Variants in RBFOX1 observed in about 807,000 individuals in gnomAD.
RBFOX1 encodes RNA binding fox-1 homolog 1.
In RBFOX1, 8 loss-of-function variants were observed where a neutral mutation model predicts 57.7. The ratio of observed to expected loss-of-function variants is 0.14; its 90% confidence interval spans 0.08 to 0.25. RBFOX1 has a LOEUF of 0.25. RBFOX1 is among the 10% of genes least tolerant of loss of function. The pLI is 1.00. For synonymous variants in RBFOX1, 326 were observed against 222.4 expected (o/e 1.47, Z -4.15); for missense variants, 611 against 548.5 (o/e 1.11, Z -1.14).
intron 3 of RBFOX1, among the ~76,000 whole-genome samples, chr16:6,981,429 TCTTA>T (rs1297914958): frequency 6.6e-6 from 1 of 152,196 alleles, no homozygotes; most frequent in Non-Finnish European, 1.5e-5. Flanking sequence ...ATCATCTTAT[TCTTA>T]CTTTTGGATG....
chr16:6,553,574 C>T (rs951731022), intron 2 of RBFOX1, among the ~76,000 whole-genome samples: 1 of 152,222 alleles, frequency 6.6e-6, no homozygotes, highest in Non-Finnish European at 1.5e-5. Context: ...TCACATCTTA[C>T]TCACCTTTGT....
intron 4 of RBFOX1, among the ~76,000 whole-genome samples, chr16:7,293,926 A>T (rs2141701474): frequency 6.6e-6 from 1 of 152,252 alleles, no homozygotes; most frequent in Non-Finnish European, 1.5e-5. Context: ...AGGTGGATTA[A>T]TTCAGAGCTG....
intron 4 of RBFOX1, among the ~76,000 whole-genome samples, chr16:7,381,941 C>T (rs1158784432): frequency 6.6e-6 from 1 of 152,174 alleles, no homozygotes; most frequent in East Asian, 1.9e-4. Flanking sequence ...TGTCTCTAGA[C>T]TTGGCTCACT....
intron 1 of RBFOX1, among the ~76,000 whole-genome samples, chr16:6,146,175 G>A (rs1458780708): frequency 6.6e-6 from 1 of 152,182 alleles, no homozygotes; most frequent in Non-Finnish European, 1.5e-5. Context: ...CATGGGTCTG[G>A]TGCTGTGGGA....
At chr16:5,478,273 C>T (rs759837962) in intron 2 of RBFOX1, among the ~76,000 whole-genome samples, 1 of 151,728 alleles carries the variant, frequency 6.6e-6, no homozygotes, top group Admixed American at 6.6e-5. Context: ...ATTGTCCGAT[C>T]CAAGCTGCCA....
intron 2 of RBFOX1, among the ~76,000 whole-genome samples, chr16:5,581,733 A>C (rs1209579782): frequency 1.3e-5 from 2 of 152,172 alleles, no homozygotes. Flanking sequence ...TCAAAAAGAA[A>C]CACTGTATAG....
intron 3 of RBFOX1, among the ~76,000 whole-genome samples, chr16:6,780,207 A>ATTTATATATTTTTATATATT (rs2080533616): frequency 4.7e-5 from 2 of 42,416 alleles, no homozygotes; most frequent in Admixed American, 4.7e-4. Flanking sequence ...ATTTTTATAT[A>ATTTATATATTTTTATATATT]TTTATATATA....
chr16:7,255,412 T>C (rs1281956227), intron 4 of RBFOX1, among the ~76,000 whole-genome samples: 4 of 152,234 alleles, frequency 2.6e-5, no homozygotes, highest in African/African-American at 9.6e-5. Flanking sequence ...AGGGGATTGG[T>C]TTAATAACAT....
At chr16:6,308,574 C>G (rs1400916633) in intron 1 of RBFOX1, among the ~76,000 whole-genome samples, 2 of 152,196 alleles carry the variant, frequency 1.3e-5, no homozygotes, top group Admixed American at 6.5e-5. Context: ...TAGTTCTTAC[C>G]TGGATGACTT....
chr16:6,618,058 T>C (rs998284914), intron 2 of RBFOX1, among the ~76,000 whole-genome samples: 3 of 152,150 alleles, frequency 2.0e-5, no homozygotes, highest in Non-Finnish European at 4.4e-5. Flanking sequence ...AATGCAGCAA[T>C]CCTTGTGTTT....
intron 3 of RBFOX1, among the ~76,000 whole-genome samples, chr16:6,796,334 T>C (rs1021674508): frequency 6.6e-6 from 1 of 152,146 alleles, no homozygotes; most frequent in African/African-American, 2.4e-5. Flanking sequence ...CAAGACGACA[T>C]GTGAGTGGGT....
intron 3 of RBFOX1, among the ~76,000 whole-genome samples, chr16:6,977,610 C>A (rs561482351): frequency 6.6e-6 from 1 of 152,094 alleles, no homozygotes; most frequent in South Asian, 2.1e-4. Flanking sequence ...TCTGTGGACT[C>A]CAAGCTTCCA....
At chr16:6,485,908 C>G (rs921975238) in intron 2 of RBFOX1, among the ~76,000 whole-genome samples, 3 of 152,038 alleles carry the variant, frequency 2.0e-5, no homozygotes, top group African/African-American at 7.2e-5. Context: ...AAATAACTAT[C>G]AGTGCTGACT....
chr16:7,298,972 G>C (rs1472214317), intron 4 of RBFOX1, among the ~76,000 whole-genome samples: 4 of 152,142 alleles, frequency 2.6e-5, no homozygotes, highest in Non-Finnish European at 5.9e-5. Flanking sequence ...AACTGTATTT[G>C]CTTTTACAAG....
At chr16:7,528,726 A>G (rs528035832) in intron 5 of RBFOX1, among the ~76,000 whole-genome samples, 15 of 152,312 alleles carry the variant, frequency 9.8e-5, no homozygotes, top group African/African-American at 3.6e-4. Context: ...GCATTAGTCA[A>G]CAGTCATTTT....
At chr16:7,669,557 G>A (rs777880152) in intron 13 of RBFOX1, among the ~76,000 whole-genome samples, 17 of 152,084 alleles carry the variant, frequency 1.1e-4, no homozygotes, top group African/African-American at 2.2e-4. Flanking sequence ...CATGAGGGCC[G>A]CCTAGCAAAT....
intron 4 of RBFOX1, among the ~76,000 whole-genome samples, chr16:7,319,564 A>AT (rs2096506622): frequency 6.6e-6 from 1 of 152,114 alleles, no homozygotes; most frequent in South Asian, 2.1e-4. Context: ...CTCTGGAAGG[A>AT]TATTTTGGAA....
intron 3 of RBFOX1, among the ~76,000 whole-genome samples, chr16:6,986,034 C>G (rs1005748600): frequency 1.3e-5 from 2 of 151,374 alleles, no homozygotes; most frequent in African/African-American, 4.8e-5. Context: ...TTTAGAGAAC[C>G]TGCATATCTC....
chr16:5,492,109 C>T (rs756359420), intron 2 of RBFOX1, among the ~76,000 whole-genome samples: 1 of 152,132 alleles, frequency 6.6e-6, no homozygotes, highest in African/African-American at 2.4e-5. Flanking sequence ...TCAGAAACAC[C>T]AGGGCTGAGG....
Sources: gnomAD v4.1 joint callset for allele counts (sites outside exome capture counted in the v4.1 genomes callset) on GRCh38, gnomAD v4.1.1 for gene constraint, MANE v1.5 for transcripts, NCBI Gene and HGNC (gene_info 2026-07-23, HGNC 2026-07-21) for gene names.